Variants in ELF2 observed in about 807,000 individuals in gnomAD.
The protein encoded by ELF2 is ETS-related transcription factor Elf-2.
Under a neutral mutation model 54.8 loss-of-function variants are expected in ELF2, and 11 were observed. The ratio of observed to expected loss-of-function variants is 0.20; its 90% CI spans 0.13 to 0.33. The LOEUF (loss-of-function observed/expected upper bound fraction) is 0.33. Among genes scored for constraint, ELF2 ranks in the 10% least tolerant of loss-of-function variants. ELF2 has a pLI of 1.00. For missense variants in ELF2, 513 were observed against 703.0 expected (o/e 0.73, Z 3.06); for synonymous variants, 203 against 245.1 (o/e 0.83, Z 1.61).
intron 7 of ELF2, among the ~76,000 whole-genome samples, chr4:139,064,274 C>CTGCA (rs1265080442): frequency 4.6e-5 from 7 of 152,206 alleles, no homozygotes; most frequent in African/African-American, 1.4e-4. Context: ...CGCCACTGCA[C>CTGCA]TGCACCGCAC....
At chr4:139,100,558 A>G (rs921034534) in intron 4 of ELF2, 1 of 152,292 alleles carries the variant, frequency 6.6e-6, no homozygotes, top group Non-Finnish European at 1.5e-5. Context: ...ACCAGCCTGG[A>G]AACAGAGCAA....
At chr4:139,177,403 C>G (rs1743085704), upstream of ELF2, among the ~76,000 whole-genome samples, 3 of 151,900 alleles carry the variant, frequency 2.0e-5, no homozygotes, top group South Asian at 6.2e-4. Context: ...GTCACCGCAG[C>G]GCCTGTCAAA....
At chr4:139,078,995 C>A (rs1231939515) in intron 4 of ELF2, among the ~76,000 whole-genome samples, 1 of 152,136 alleles carries the variant, frequency 6.6e-6, no homozygotes, top group Admixed American at 6.6e-5. Flanking sequence ...GTGGCATGAT[C>A]ATGGTTCACT....
chr4:139,151,064 G>GAA lies in ELF2; in HGVS notation c.-251-11569_-251-11568dup, dbSNP rs1396495543. On this transcript the variant is annotated intron_variant, in intron 1 of 9. Coordinates refer to ENST00000686138, the MANE Select transcript of ELF2 (RefSeq NM_001331036.3). ...AGAAAGAAAGAAAGAAAGAAAGAAA[G>GAA]AAAGAAAGAAAGAAAGAAAGAAAGA... Among the ~76,000 whole-genome samples the GAA allele has an allele frequency of 3.0e-4, 43 of 141,468 alleles. 2 individuals carry two copies. Among genetic ancestry groups the GAA allele is most frequent in the Middle Eastern group, 3.7e-3 (1 of 272 alleles). 92.8% of individuals were successfully genotyped at this position (141,468 alleles called of 152,430 possible).
chr4:139,104,960 G>A (rs919519880), intron 4 of ELF2, among the ~76,000 whole-genome samples: 6 of 151,848 alleles, frequency 4.0e-5, no homozygotes, highest in Admixed American at 3.3e-4. Context: ...CTCATTTTTC[G>A]CAACTTAGTA....
rs1044302445 is a variant in ELF2, at chr4:139,139,482, C to G, written c.-236G>C. On this transcript the variant is annotated 5_prime_UTR_variant, in exon 2 of 10. Coordinates refer to ENST00000686138, the MANE Select transcript of ELF2 (RefSeq NM_001331036.3). ...ACTTGGGAAGAGCTAAAATCTGAAC[C>G]AGTAGTTCTTTGGAACTGCCAGCGG... 1 of 1,229,120 alleles carries G rather than the reference C, an allele frequency of 8.1e-7. No individual in the cohort carries two copies. 76.1% of individuals were successfully genotyped at this position (1,229,120 alleles called of 1,614,324 possible).
intron 3 of ELF2, among the ~76,000 whole-genome samples, chr4:139,135,325 A>C (rs1738043551): frequency 1.3e-5 from 2 of 151,520 alleles, no homozygotes; most frequent in South Asian, 2.1e-4. Context: ...TAAGACAAAA[A>C]TCTATCTTTC....
At chr4:139,100,849 G>A (rs1019975791) in intron 4 of ELF2, among the ~76,000 whole-genome samples, 1 of 152,214 alleles carries the variant, frequency 6.6e-6, no homozygotes, top group Non-Finnish European at 1.5e-5. Context: ...ACTATGGTGA[G>A]CATAGATTGC....
At chr4:139,159,600 C>T (rs1266354348) in intron 1 of ELF2, among the ~76,000 whole-genome samples, 8 of 151,952 alleles carry the variant, frequency 5.3e-5, no homozygotes, top group African/African-American at 1.9e-4. Flanking sequence ...GGATCTGATG[C>T]CTTTTGATGG....
intron 4 of ELF2, among the ~76,000 whole-genome samples, chr4:139,095,114 A>G (rs1446774644): frequency 6.6e-6 from 1 of 151,902 alleles, no homozygotes; most frequent in African/African-American, 2.4e-5. Flanking sequence ...TAGGACCTCC[A>G]ATAATAATTC....
intron 6 of ELF2, among the ~76,000 whole-genome samples, chr4:139,068,273 C>T (rs751180339): frequency 3.2e-4 from 48 of 152,186 alleles, no homozygotes; most frequent in Non-Finnish European, 6.3e-4. Flanking sequence ...TCCGCCTCGG[C>T]CTCCCAAAGT....
rs1727243881 is a variant in ELF2, at chr4:139,057,840, C to T, written c.*1143G>A. ...GACTTTTAAATATTGTTTAAAATAT[C>T]ACCAGAGACCAAAACAGAAGATAAA... On this transcript the variant is annotated 3_prime_UTR_variant, in exon 10 of 10. Coordinates refer to ENST00000686138, the MANE Select transcript of ELF2 (RefSeq NM_001331036.3). 6.6e-6 allele frequency: 1 copy of T among 152,516 alleles called. No individual in the cohort carries two copies. The highest frequency in any genetic ancestry group is 6.5e-5 in the Admixed American group (1 of 15,272). The allele number at this position is 152,516 out of a possible 1,614,324, so 9.4% of individuals were successfully genotyped here. A position where few individuals can be genotyped will look rare whatever the true frequency, so the allele number is the denominator to read the frequency against.
chr4:139,138,069 G>C (rs1355997581), intron 2 of ELF2, among the ~76,000 whole-genome samples: 1 of 152,138 alleles, frequency 6.6e-6, no homozygotes, highest in African/African-American at 2.4e-5. Context: ...ACTGAATTAA[G>C]TTCTTAACAA....
At chr4:139,083,100 CAG>C (rs1731369060) in intron 4 of ELF2, among the ~76,000 whole-genome samples, 1 of 151,964 alleles carries the variant, frequency 6.6e-6, no homozygotes, top group Non-Finnish European at 1.5e-5. Context: ...TGGAACACCT[CAG>C]AGAGCAGATT....
Position 139,058,666 on chromosome 4 carries a change from T to C in ELF2, c.*317A>G, listed in dbSNP as rs1727362320. On this transcript the variant is annotated 3_prime_UTR_variant, in exon 10 of 10. Coordinates refer to ENST00000686138, the MANE Select transcript of ELF2 (RefSeq NM_001331036.3). Reference sequence around the variant, plus strand: ...TCCCACTGAAAACTATATAACCTCTTACAGAATGTTAGTGTTCCAAGTCTT... The same window carrying C: ...TCCCACTGAAAACTATATAACCTCTCACAGAATGTTAGTGTTCCAAGTCTT... 1 of 253,450 alleles carries C rather than the reference T, an allele frequency of 3.9e-6. No individual in the cohort carries two copies. Among genetic ancestry groups the C allele is most frequent in the Admixed American group, 5.0e-5 (1 of 20,050 alleles). 15.7% of individuals were successfully genotyped at this position (253,450 alleles called of 1,614,324 possible). A position where few individuals can be genotyped will look rare whatever the true frequency, so the allele number is the denominator to read the frequency against.
At chr4:139,074,071 T>C (rs1468983822) in intron 4 of ELF2, among the ~76,000 whole-genome samples, 2 of 152,194 alleles carry the variant, frequency 1.3e-5, no homozygotes, top group East Asian at 3.9e-4. Flanking sequence ...GAGGTTGCAG[T>C]GAGCTGAGAT....
Position 139,058,341 on chromosome 4 carries a change from A to C in ELF2, c.*642T>G, listed in dbSNP as rs1727308823. 6.6e-6 allele frequency: 1 copy of C among 150,858 alleles called. No homozygotes were observed. Among genetic ancestry groups the C allele is most frequent in the Non-Finnish European group, 1.5e-5 (1 of 67,732 alleles). 9.3% of individuals were successfully genotyped at this position (150,858 alleles called of 1,614,324 possible). ...GCCATTAGCTTATTTCAAGAAAGAA[A>C]ATCGAAAATTAGTCTAAGGCCTTTG... is the stretch of plus-strand genomic sequence containing the variant. On this transcript the variant is annotated 3_prime_UTR_variant, in exon 10 of 10. Coordinates refer to ENST00000686138, the MANE Select transcript of ELF2 (RefSeq NM_001331036.3).
At chr4:139,163,310 CTG>C (rs998969994) in intron 1 of ELF2, among the ~76,000 whole-genome samples, 5 of 151,678 alleles carry the variant, frequency 3.3e-5, no homozygotes, top group South Asian at 4.2e-4. Context: ...AAAAGAATAA[CTG>C]TAAATTCAGA....
Position 139,143,999 on chromosome 4 carries a change from T to C in ELF2, c.-251-4502A>G, listed in dbSNP as rs576824200. On this transcript the variant is annotated intron_variant, in intron 1 of 9. Transcript: ENST00000686138. Reference sequence around the variant, plus strand: ...TCAAGATGGCAGATTGGAGGTAGTATTGGCATGCCTCTTCCACTTGGAAAG... The same window carrying C: ...TCAAGATGGCAGATTGGAGGTAGTACTGGCATGCCTCTTCCACTTGGAAAG... Among the ~76,000 whole-genome samples, 61 of 151,980 alleles carry C rather than the reference T, an allele frequency of 4.0e-4. 1 individual carries two copies. Among genetic ancestry groups the C allele is most frequent in the South Asian group, 8.3e-4 (4 of 4,804 alleles).
Sources: gnomAD v4.1 joint callset for allele counts (sites outside exome capture counted in the v4.1 genomes callset) on GRCh38, gnomAD v4.1.1 for gene constraint, MANE v1.5 for transcripts, NCBI Gene and HGNC (gene_info 2026-07-23, HGNC 2026-07-21) for gene names.